The following TMEM63C variants were observed in gnomAD, a reference collection of about 807,000 sequenced individuals.
The protein encoded by TMEM63C is transmembrane protein 63C.
In TMEM63C, 32 loss-of-function variants were observed where a neutral mutation model predicts 99.2. The observed-to-expected ratio is 0.32, with a 90% CI of 0.24 to 0.43. The LOEUF (loss-of-function observed/expected upper bound fraction) is 0.43. Ranked by LOEUF, TMEM63C falls within the 20% of genes least tolerant of loss-of-function variation. The pLI, the probability that TMEM63C is intolerant of heterozygous loss-of-function variation, is 1.00. For synonymous variants in TMEM63C, 376 were observed against 397.9 expected, an observed-to-expected ratio of 0.94 and a Z score of 0.66; for missense variants, 826 against 1,053.0, an observed-to-expected ratio of 0.78 and a Z score of 2.98.
chr14:77,236,800 T>G, intron 9 of TMEM63C, 68 bp downstream of exon 9: 1 of 1,094,196 alleles, frequency 9.1e-7, no homozygotes, highest in Non-Finnish European at 1.4e-6. Context: ...GCTGACCACT[T>G]CCAACCCTCA....
chr14:77,199,994 G>A (rs180670803), intron 1 of TMEM63C, among the ~76,000 whole-genome samples: 13 of 152,196 alleles, frequency 8.5e-5, no homozygotes, highest in East Asian at 5.8e-4. Context: ...GCAGATTGTC[G>A]CAGACAGAAG....
At chr14:77,191,525 CTTTTTTCTTTTTCTTTTTTTTTTT>C (rs1888106674) in intron 1 of TMEM63C, among the ~76,000 whole-genome samples, 2 of 112,940 alleles carry the variant, frequency 1.8e-5, no homozygotes, top group African/African-American at 6.3e-5. Flanking sequence ...TCTTTCTTTT[CTTTTTTCTTTTTCTTTTTTTTTTT>C]TTTTTTTTTT....
chr14:77,198,653 A>G (rs531628428), intron 1 of TMEM63C, among the ~76,000 whole-genome samples: 118 of 152,268 alleles, frequency 7.7e-4, no homozygotes, highest in Non-Finnish European at 1.4e-3. Flanking sequence ...AGGTGGGGAA[A>G]TTGTCCTCGC....
rs780836491 is a variant in TMEM63C at position 77,218,986 on chromosome 14, G to A, written c.150+23G>A. ...GTGGTGAGTCCTGGGCACTGCAGGA[G>A]GCAGACAGTAAAGCCTCAGACAGGG... On this transcript the variant is annotated intron_variant, in intron 3 of 23. Coordinates refer to ENST00000298351, the MANE Select transcript of TMEM63C (RefSeq NM_020431.4). 9 of 1,525,882 alleles carry A rather than the reference G, an allele frequency of 5.9e-6. No individual in the cohort carries two copies. In the Admixed American group the frequency reaches 6.9e-5, roughly 12 times the overall value. The allele number at this position is 1,525,882 out of a possible 1,614,324, so 94.5% of individuals were successfully genotyped here.
At chr14:77,199,151 G>C (rs867430215) in intron 1 of TMEM63C, among the ~76,000 whole-genome samples, 1 of 152,196 alleles carries the variant, frequency 6.6e-6, no homozygotes, top group African/African-American at 2.4e-5. Context: ...AGAATGGTCA[G>C]GACAGACCTC....
intron 5 of TMEM63C, among the ~76,000 whole-genome samples, chr14:77,225,163 T>C (rs1671734313): frequency 6.6e-6 from 1 of 151,936 alleles, no homozygotes; most frequent in African/African-American, 2.4e-5. Context: ...AGCAGTCACT[T>C]CTCCCCCTCC....
intron 5 of TMEM63C, among the ~76,000 whole-genome samples, chr14:77,220,391 A>G (rs1314948678): frequency 6.6e-6 from 1 of 152,184 alleles, no homozygotes; most frequent in Non-Finnish European, 1.5e-5. Context: ...CCCTTCTCAC[A>G]GTCCCGTCCT....
Position 77,219,541 on chromosome 14 carries a change from A to T in TMEM63C, c.194A>T (p.Asp65Val). The T allele has an allele frequency of 6.2e-7, 1 of 1,613,902 alleles. No individual in the cohort carries two copies. Among genetic ancestry groups the T allele is most frequent in the Non-Finnish European group, 8.5e-7 (1 of 1,179,880 alleles). Residue 65 changes from aspartate to valine, a missense_variant, in exon 4 of 24, where the codon GAC becomes GTC. Transcript: ENST00000298351. ...VYSFLRKAAW[D>V]YGRLALLIHN... is the part of the protein sequence containing the mutation. ...TCCTTCCTCCGGAAAGCTGCGTGGG[A>T]CTATGGGCGCCTGGCTCTGCTGATA...
At position 77,218,758 on chromosome 14, in the gene TMEM63C, A is replaced by G. The variant is rs768242842; in HGVS notation, c.-13-43A>G. 4.8e-5 allele frequency: 77 copies of G among 1,601,530 alleles called. 1 individual carries two copies. The African/African-American group carries it at 9.1e-4, about 19-fold the overall frequency. The stretch of plus-strand genomic sequence containing the variant: ...CGGGCTTCTGTGTTTTGCAAAATGC[A>G]AGGGAGTCTTTGCATCTGACCTGGA... On this transcript the variant is annotated intron_variant, in intron 2 of 23. Coordinates refer to ENST00000298351, the MANE Select transcript of TMEM63C (RefSeq NM_020431.4).
intron 13 of TMEM63C, among the ~76,000 whole-genome samples, chr14:77,241,363 T>C (rs2140126139): frequency 6.6e-6 from 1 of 152,290 alleles, no homozygotes; most frequent in East Asian, 1.9e-4. Context: ...GTCCCCTCTC[T>C]TCTCTGCCCC....
chr14:77,256,751 G>A lies in TMEM63C; in HGVS notation c.*25G>A, dbSNP rs201429906. 4.5e-5 allele frequency: 72 copies of A among 1,609,254 alleles called. No individual in the cohort carries two copies. The East Asian group carries it at 1.3e-3, about 29-fold the overall frequency. On this transcript the variant is annotated 3_prime_UTR_variant, in exon 24 of 24. Coordinates refer to ENST00000298351, the MANE Select transcript of TMEM63C (RefSeq NM_020431.4). ...ACCGGGACCTGAGGCCTCCACTGGC[G>A]ACTTGTTGAGGGGTCAGGGGAGGGC...
At chr14:77,222,774 G>T (rs1197668575) in intron 5 of TMEM63C, among the ~76,000 whole-genome samples, 1 of 152,188 alleles carries the variant, frequency 6.6e-6, no homozygotes, top group Non-Finnish European at 1.5e-5. Flanking sequence ...CACTTCCCCA[G>T]GGAGCCCTGA....
At chr14:77,220,153 A>G (rs1313790544) in intron 5 of TMEM63C, 66 bp downstream of exon 5, 1 of 1,441,332 alleles carries the variant, frequency 6.9e-7, no homozygotes, top group Non-Finnish European at 9.5e-7. Flanking sequence ...TGGTGTGCAC[A>G]GGAAGAAACA....
intron 6 of TMEM63C, 52 bp downstream of exon 6, chr14:77,225,513 G>C (rs914395202): frequency 6.2e-7 from 1 of 1,600,474 alleles, no homozygotes; most frequent in Non-Finnish European, 8.5e-7. Context: ...GGGGGTGGGG[G>C]GTGGAGGCTC....
At chr14:77,205,152 G>A (rs1036516787) in intron 1 of TMEM63C, among the ~76,000 whole-genome samples, 1 of 152,268 alleles carries the variant, frequency 6.6e-6, no homozygotes, top group African/African-American at 2.4e-5. Context: ...TCCAGGAACT[G>A]AGGGAACAAC....
rs537498170 is a variant in TMEM63C at position 77,222,768 on chromosome 14, TC to T, written c.313-2652del. Among the ~76,000 whole-genome samples, 33 of 152,310 alleles carry T rather than the reference TC, an allele frequency of 2.2e-4. No homozygotes were observed. In the South Asian group the frequency reaches 6.8e-3, roughly 32 times the overall value. On this transcript the variant is annotated intron_variant, in intron 5 of 23. Coordinates refer to ENST00000298351, the MANE Select transcript of TMEM63C (RefSeq NM_020431.4). ...GTTGAGATTTCAGCTTAAGCACACT[TC>T]CCCAGGGAGCCCTGACCACCCCTCC...
At chr14:77,228,242 C>A (rs935973936) in intron 6 of TMEM63C, among the ~76,000 whole-genome samples, 7 of 152,120 alleles carry the variant, frequency 4.6e-5, no homozygotes, top group Non-Finnish European at 7.4e-5. Context: ...GGCAGGAATT[C>A]CTGGCCCAGG....
At chr14:77,192,476 C>A (rs751865379) in intron 1 of TMEM63C, among the ~76,000 whole-genome samples, 11 of 152,034 alleles carry the variant, frequency 7.2e-5, no homozygotes, top group Non-Finnish European at 1.2e-4. Flanking sequence ...GGTAGGGGAG[C>A]AGGAAATGGA....
At chr14:77,247,275 A>G (rs1405765850) in intron 18 of TMEM63C, among the ~76,000 whole-genome samples, 1 of 152,062 alleles carries the variant, frequency 6.6e-6, no homozygotes, top group African/African-American at 2.4e-5. Flanking sequence ...ATCTCGGCTC[A>G]CTACAACCTC....
Sources: gnomAD v4.1 joint callset for allele counts (sites outside exome capture counted in the v4.1 genomes callset) on GRCh38, gnomAD v4.1.1 for gene constraint, MANE v1.5 for transcripts, NCBI Gene and HGNC (gene_info 2026-07-23, HGNC 2026-07-21) for gene names.